The following NEK10 variants were observed in gnomAD, a reference collection of about 807,000 sequenced individuals.
The protein encoded by NEK10 is NIMA related kinase 10.
In NEK10, 122 loss-of-function variants were observed where a neutral mutation model predicts 159.8. That is an observed-to-expected ratio of 0.76 (90% confidence interval 0.66 to 0.89). The LOEUF (loss-of-function observed/expected upper bound fraction) is 0.89, where lower values mean the gene tolerates loss of function less well. Among genes scored for constraint, NEK10 ranks in the 40% least tolerant of loss-of-function variants. NEK10 has a pLI of 0.00. For missense variants in NEK10, 1,342 were observed against 1,323.1 expected (o/e 1.01, Z -0.22); for synonymous variants, 466 against 457.1 (o/e 1.02, Z -0.25).
At chr3:27,240,905 T>C (rs936146115) in intron 23 of NEK10, among the ~76,000 whole-genome samples, 58 of 152,248 alleles carry the variant, frequency 3.8e-4, no homozygotes, top group African/African-American at 1.3e-3. Flanking sequence ...CTGCCTGCCT[T>C]GGCCTCCTAA....
At chr3:27,285,684 G>A (rs952581589) in intron 20 of NEK10, among the ~76,000 whole-genome samples, 7 of 152,134 alleles carry the variant, frequency 4.6e-5, no homozygotes, top group Non-Finnish European at 8.8e-5. Context: ...AACCAATAGG[G>A]TTTATTAACA....
At position 27,316,300 on chromosome 3, in the gene NEK10, T is replaced by G. The variant is rs750787003; in HGVS notation, c.448-1962A>C. Among the ~76,000 whole-genome samples the G allele has an allele frequency of 4.1e-4, 62 of 151,968 alleles. 1 individual carries two copies. The highest frequency in any genetic ancestry group is 4.6e-4 in the Admixed American group (7 of 15,236). ...AGTAAGAATGGAGAGAAAGGGGTAG[T>G]ATTTGAAGCGATATGATCAACGGAA... On this transcript the variant is annotated intron_variant, in intron 6 of 35. Coordinates refer to ENST00000691995, the MANE Select transcript of NEK10 (RefSeq NM_001394966.1).
At chr3:27,145,456 G>A (rs1021709369) in intron 30 of NEK10, among the ~76,000 whole-genome samples, 1 of 152,078 alleles carries the variant, frequency 6.6e-6, no homozygotes. Flanking sequence ...TTTCTTATAA[G>A]AGGCAATTTA....
At chr3:27,270,012 C>T (rs1308684298) in intron 22 of NEK10, among the ~76,000 whole-genome samples, 1 of 152,222 alleles carries the variant, frequency 6.6e-6, no homozygotes, top group Non-Finnish European at 1.5e-5. Context: ...TTCACCAGTT[C>T]TTTAACATTC....
chr3:27,292,263 G>A (rs1323132487), intron 16 of NEK10, among the ~76,000 whole-genome samples: 1 of 152,020 alleles, frequency 6.6e-6, no homozygotes, highest in African/African-American at 2.4e-5. Flanking sequence ...AAGATATTTG[G>A]GGGTATAGGC....
chr3:27,162,052 AT>A (rs1946059552), intron 30 of NEK10, among the ~76,000 whole-genome samples: 1 of 152,114 alleles, frequency 6.6e-6, no homozygotes, highest in East Asian at 1.9e-4. Context: ...AAAGATAATT[AT>A]TTGTGTAAGG....
At chr3:27,246,028 G>A (rs2149277626) in intron 23 of NEK10, among the ~76,000 whole-genome samples, 1 of 152,180 alleles carries the variant, frequency 6.6e-6, no homozygotes, top group Admixed American at 6.5e-5. Context: ...AAAAGGGCAA[G>A]AGAAAAAGAA....
chr3:27,173,322 C>G (rs1048543357), intron 28 of NEK10, among the ~76,000 whole-genome samples: 5 of 152,168 alleles, frequency 3.3e-5, no homozygotes, highest in African/African-American at 1.2e-4. Context: ...CTAACCCTCC[C>G]ACCATTGCTG....
Position 27,110,170 on chromosome 3 carries a change from A to G in NEK10, c.*1102T>C, listed in dbSNP as rs750897499. ...TCTTTAGGTAGCTAGAAGTGTAGAC[A>G]GATTTCGCAATAAGGGTATTTCTTG... is the stretch of plus-strand genomic sequence containing the variant. On this transcript the variant is annotated 3_prime_UTR_variant, in exon 36 of 36. Transcript: ENST00000691995. 6.6e-6 allele frequency: 1 copy of G among 152,186 alleles called. No individual in the cohort carries two copies. Among genetic ancestry groups the G allele is most frequent in the Non-Finnish European group, 1.5e-5 (1 of 68,042 alleles). 9.4% of individuals were successfully genotyped at this position (152,186 alleles called of 1,614,324 possible).
chr3:27,205,223 G>A (rs1255115466), intron 23 of NEK10, among the ~76,000 whole-genome samples: 3 of 150,816 alleles, frequency 2.0e-5, no homozygotes, highest in Non-Finnish European at 4.4e-5. Context: ...CAAACAAATG[G>A]ATAAACATTC....
chr3:27,115,006 T>C (rs1456278983), intron 35 of NEK10, among the ~76,000 whole-genome samples: 2 of 152,204 alleles, frequency 1.3e-5, no homozygotes, highest in East Asian at 1.9e-4. Flanking sequence ...AATAATGGAA[T>C]ACCTGCACTT....
In NEK10 at chr3:27,192,114, C is replaced by G; in HGVS notation, c.2420G>C (p.Arg807Pro). The G allele has an allele frequency of 6.2e-7, 1 of 1,614,142 alleles. No homozygotes were observed. The highest frequency in any genetic ancestry group is 1.1e-5 in the South Asian group (1 of 91,070). Reference protein sequence around the residue: ...SQLSLEKKLERERRRTQRYFM... With the variant: ...SQLSLEKKLEPERRRTQRYFM... ...ATACCTTTGTGTGCGTCTTCGTTCC[C>G]GTTCTAGCTTCTTTTCCAAGGACAA... Residue 807 changes from arginine to proline, a missense_variant, in exon 26 of 36, where the codon CGG becomes CCG. By Grantham distance (103) the Arg-to-Pro change is moderately radical. Coordinates refer to ENST00000691995, the MANE Select transcript of NEK10 (RefSeq NM_001394966.1).
chr3:27,161,648 T>C (rs1312996216), intron 30 of NEK10, among the ~76,000 whole-genome samples: 1 of 152,250 alleles, frequency 6.6e-6, no homozygotes, highest in Non-Finnish European at 1.5e-5. Context: ...TGATGGACTT[T>C]GGTCCTCTTT....
chr3:27,194,125 C>CTTTTTTTTTTT (rs71091113), intron 25 of NEK10: 1 of 128,200 alleles, frequency 7.8e-6, no homozygotes, highest in Non-Finnish European at 1.6e-5. Context: ...CAGAGAAATT[C>CTTTTTTTTTTT]TTTTTTTTTT....
intron 5 of NEK10, among the ~76,000 whole-genome samples, chr3:27,338,390 T>A (rs967570088): frequency 2.1e-4 from 32 of 152,330 alleles, no homozygotes; most frequent in African/African-American, 7.2e-4. Context: ...AGTGCCGCAA[T>A]AAACATACCT....
intron 1 of NEK10, among the ~76,000 whole-genome samples, chr3:27,353,885 A>T (rs2048146689): frequency 1.3e-5 from 2 of 152,162 alleles, no homozygotes; most frequent in Admixed American, 6.6e-5. Flanking sequence ...GAGATTTAGC[A>T]TCTATTTTTA....
chr3:27,193,599 G>GTT (rs1949305686), intron 25 of NEK10, among the ~76,000 whole-genome samples: 1 of 66,036 alleles, frequency 1.5e-5, no homozygotes, highest in African/African-American at 6.0e-5. Flanking sequence ...CCATATGCTT[G>GTT]ATTTTTTTTT....
chr3:27,260,258 T>G (rs529699767), intron 22 of NEK10, among the ~76,000 whole-genome samples: 108 of 152,294 alleles, frequency 7.1e-4, no homozygotes, highest in Non-Finnish European at 1.3e-3. Flanking sequence ...AACACTATGT[T>G]GAATAGGAGT....
At chr3:27,248,156 T>G (rs998480429) in intron 23 of NEK10, among the ~76,000 whole-genome samples, 30 of 152,304 alleles carry the variant, frequency 2.0e-4, no homozygotes, top group Non-Finnish European at 2.8e-4. Context: ...TATTGGCACA[T>G]AGTTGTTCGT....
Sources: gnomAD v4.1 joint callset for allele counts (sites outside exome capture counted in the v4.1 genomes callset) on GRCh38, gnomAD v4.1.1 for gene constraint, MANE v1.5 for transcripts, NCBI Gene and HGNC (gene_info 2026-07-23, HGNC 2026-07-21) for gene names.